SRGAP2: variants seen among roughly 807,000 people sequenced by gnomAD.
SRGAP2 encodes the protein SLIT-ROBO Rho GTPase-activating protein 2.
SRGAP2 carries 15 observed loss-of-function variants against 57.2 expected under a neutral mutation model. The ratio of observed to expected loss-of-function variants is 0.26; its 90% CI spans 0.18 to 0.40. SRGAP2 has a LOEUF of 0.40. SRGAP2 is among the 10% of genes least tolerant of loss of function. SRGAP2 has a pLI of 1.00. For missense variants in SRGAP2, 520 were observed against 669.6 expected, an observed-to-expected ratio of 0.78 and a Z score of 2.47; for synonymous variants, 249 against 248.0, an observed-to-expected ratio of 1.00 and a Z score of -0.04.
At chr1:206,418,608 A>G (rs1233007041) in intron 11 of SRGAP2, among the ~76,000 whole-genome samples, 4 of 152,220 alleles carry the variant, frequency 2.6e-5, no homozygotes, top group Non-Finnish European at 1.5e-5. Flanking sequence ...GTAGACATGC[A>G]TATATATTTT....
rs1185739456 is a variant in SRGAP2, at chr1:206,286,044, ATAT to A, written c.68-17233_68-17231del. ...GATTATGGTAGCAATATTGAAAAAA[ATAT>A]TATAGTGGGGAGTAAAATTTAGGAA... On this transcript the variant is annotated intron_variant, in intron 2 of 22. Coordinates refer to ENST00000573034, the MANE Select transcript of SRGAP2 (RefSeq NM_015326.5). 2.0e-5 allele frequency among the ~76,000 whole-genome samples: 3 copies of A among 152,020 alleles called. 1 individual carries two copies. The highest frequency in any genetic ancestry group is 4.2e-4 in the South Asian group (2 of 4,796).
chr1:206,322,559 G>A (rs1673544154), intron 3 of SRGAP2, among the ~76,000 whole-genome samples: 1 of 135,144 alleles, frequency 7.4e-6, no homozygotes, highest in African/African-American at 2.9e-5. Flanking sequence ...CAGCCTGGGT[G>A]ACAGACCGAG....
At chr1:206,444,109 G>A (rs1273289351) in intron 17 of SRGAP2, among the ~76,000 whole-genome samples, 1 of 151,202 alleles carries the variant, frequency 6.6e-6, no homozygotes, top group African/African-American at 2.4e-5. Flanking sequence ...AGAATCACTT[G>A]AACCCAGGAG....
intron 3 of SRGAP2, among the ~76,000 whole-genome samples, chr1:206,327,190 G>A (rs1382062873): frequency 6.6e-6 from 1 of 152,134 alleles, no homozygotes; most frequent in Admixed American, 6.5e-5. Flanking sequence ...AGCCGGGCAT[G>A]GTGGCACATG....
At chr1:206,325,767 CAT>C (rs568066982) in intron 3 of SRGAP2, among the ~76,000 whole-genome samples, 1 of 152,138 alleles carries the variant, frequency 6.6e-6, no homozygotes, top group African/African-American at 2.4e-5. Flanking sequence ...GTTTGTAAAA[CAT>C]TGCTTTAAGA....
intron 3 of SRGAP2, among the ~76,000 whole-genome samples, chr1:206,309,626 T>C (rs1672486459): frequency 6.6e-6 from 1 of 151,808 alleles, no homozygotes; most frequent in African/African-American, 2.4e-5. Context: ...AGAAGAATTG[T>C]GGCATTCACG....
chr1:206,276,814 G>A (rs1464758848), intron 2 of SRGAP2, among the ~76,000 whole-genome samples: 1 of 152,108 alleles, frequency 6.6e-6, no homozygotes, highest in Non-Finnish European at 1.5e-5. Flanking sequence ...TTTTAGGGTG[G>A]TGCCCTTCCC....
chr1:206,457,010 A>G (rs1333239787), intron 21 of SRGAP2, among the ~76,000 whole-genome samples: 1 of 152,030 alleles, frequency 6.6e-6, no homozygotes, highest in Non-Finnish European at 1.5e-5. Context: ...CTGCATTCCA[A>G]AGACACTTTG....
At chr1:206,427,390 G>A (rs941716546) in intron 13 of SRGAP2, among the ~76,000 whole-genome samples, 26 of 152,152 alleles carry the variant, frequency 1.7e-4, no homozygotes, top group African/African-American at 5.3e-4. Context: ...GGCTGCTGTA[G>A]CTGGAAAGCT....
intron 3 of SRGAP2, among the ~76,000 whole-genome samples, chr1:206,309,676 G>A (rs1672490235): frequency 6.6e-6 from 1 of 151,960 alleles, no homozygotes; most frequent in African/African-American, 2.4e-5. Context: ...GTTTTGAATG[G>A]TGATCCTACT....
chr1:206,371,743 G>T (rs1285597700), intron 4 of SRGAP2, among the ~76,000 whole-genome samples: 1 of 66,710 alleles, frequency 1.5e-5, no homozygotes, highest in Non-Finnish European at 2.5e-5. Flanking sequence ...AAAAAAAAAA[G>T]AAAAAAAATA....
At chr1:206,325,114 A>T (rs1673777108) in intron 3 of SRGAP2, among the ~76,000 whole-genome samples, 1 of 150,294 alleles carries the variant, frequency 6.7e-6, no homozygotes. Flanking sequence ...GAAAGAAAAA[A>T]AGAAAAAAAC....
chr1:206,325,602 C>T (rs1553329656), intron 3 of SRGAP2, among the ~76,000 whole-genome samples: 1 of 150,454 alleles, frequency 6.6e-6, no homozygotes, highest in Admixed American at 6.6e-5. Context: ...GCCTCAGCCT[C>T]CCAAAGTGCT....
At chr1:206,412,103 A>C (rs1023163766) in intron 10 of SRGAP2, among the ~76,000 whole-genome samples, 1 of 152,238 alleles carries the variant, frequency 6.6e-6, no homozygotes, top group Non-Finnish European at 1.5e-5. Context: ...GTAGGACTAG[A>C]ATATTCCAAC....
chr1:206,427,343 C>T (rs1660887618), intron 13 of SRGAP2, among the ~76,000 whole-genome samples: 2 of 152,166 alleles, frequency 1.3e-5, no homozygotes, highest in Non-Finnish European at 2.9e-5. Flanking sequence ...CCTAGCCTAA[C>T]CAGCCAGTCA....
chr1:206,434,910 C>T (rs1288307446), intron 14 of SRGAP2, among the ~76,000 whole-genome samples: 2 of 152,214 alleles, frequency 1.3e-5, no homozygotes, highest in African/African-American at 2.4e-5. Flanking sequence ...TAGTGAGTAG[C>T]CTGGTTTCCG....
At chr1:206,359,552 G>C (rs1676724138) in intron 4 of SRGAP2, among the ~76,000 whole-genome samples, 1 of 78,548 alleles carries the variant, frequency 1.3e-5, no homozygotes, top group Non-Finnish European at 2.4e-5. Flanking sequence ...TGAGGTGGGA[G>C]GAGGTCATTC....
At chr1:206,270,419 CAAG>C (rs1272348581) in intron 2 of SRGAP2, among the ~76,000 whole-genome samples, 338 of 50,544 alleles carry the variant, frequency 6.7e-3, no homozygotes, top group East Asian at 0.013. Context: ...TACAGAGTAG[CAAG>C]AAGTCTCCTA....
At chr1:206,227,091 G>A (rs1426818314) in intron 2 of SRGAP2, among the ~76,000 whole-genome samples, 2 of 152,044 alleles carry the variant, frequency 1.3e-5, no homozygotes, top group East Asian at 3.9e-4. Context: ...CATGCTTGAA[G>A]TATGACTGTG....
Sources: gnomAD v4.1 joint callset for allele counts (sites outside exome capture counted in the v4.1 genomes callset) on GRCh38, gnomAD v4.1.1 for gene constraint, MANE v1.5 for transcripts, NCBI Gene and HGNC (gene_info 2026-07-23, HGNC 2026-07-21) for gene names.